Variants in GREB1L observed in about 807,000 individuals in gnomAD.
GREB1L encodes the protein GREB1-like protein.
A neutral mutation model predicts 200.8 loss-of-function variants in GREB1L; 17 were observed. The observed-to-expected ratio is 0.08, with a 90% CI of 0.06 to 0.13. The LOEUF is 0.13. Among genes scored for constraint, GREB1L ranks in the 10% least tolerant of loss-of-function variants. The pLI, the probability that GREB1L is intolerant of heterozygous loss-of-function variation, is 1.00. For missense variants in GREB1L, 1,657 were observed against 2,367.7 expected (o/e 0.70, Z 6.23); for synonymous variants, 789 against 893.0 (o/e 0.88, Z 2.08).
intron 1 of GREB1L, among the ~76,000 whole-genome samples, chr18:21,321,222 G>A (rs2038946384): frequency 1.3e-5 from 2 of 152,008 alleles, no homozygotes; most frequent in Non-Finnish European, 2.9e-5. Flanking sequence ...TTGAACCCGG[G>A]AGGTGGAGGT....
intron 19 of GREB1L, among the ~76,000 whole-genome samples, chr18:21,492,217 G>A (rs182497945): frequency 6.6e-6 from 1 of 152,084 alleles, no homozygotes; most frequent in East Asian, 1.9e-4. Flanking sequence ...ATGGTGGCGG[G>A]CGCCTGTGGT....
In GREB1L at chr18:21,520,840, A is replaced by G. The variant is rs1473272625; in HGVS notation, c.5608+17A>G. 30 of 1,520,536 alleles carry G rather than the reference A, an allele frequency of 2.0e-5. No homozygotes were observed. The highest frequency in any genetic ancestry group is 1.7e-4 in the Middle Eastern group (1 of 5,858). 94.2% of individuals were successfully genotyped at this position (1,520,536 alleles called of 1,614,324 possible). ...TTCTAAAAGGTAAGTCAAATTTAGT[A>G]TCTTGCTTGTAATTGCTATTGGTTC... On this transcript the variant is annotated intron_variant, in intron 32 of 32. Coordinates refer to ENST00000424526, the MANE Select transcript of GREB1L (RefSeq NM_001142966.3).
At chr18:21,392,990 C>T (rs2040888938) in intron 4 of GREB1L, among the ~76,000 whole-genome samples, 1 of 152,114 alleles carries the variant, frequency 6.6e-6, no homozygotes, top group African/African-American at 2.4e-5. Context: ...CTAGACTGGT[C>T]TTGAACTCCT....
At chr18:21,326,776 C>T (rs1486170633) in intron 1 of GREB1L, among the ~76,000 whole-genome samples, 2 of 152,190 alleles carry the variant, frequency 1.3e-5, no homozygotes, top group African/African-American at 2.4e-5. Flanking sequence ...TTAAACTCAT[C>T]GTTAAACAAG....
intron 14 of GREB1L, 147 bp from the exon 15 acceptor site, chr18:21,454,219 T>C: frequency 3.2e-6 from 2 of 630,392 alleles, no homozygotes; most frequent in Non-Finnish European, 5.6e-6. Context: ...CTATTAAAAC[T>C]CAATAGAGAG....
Position 21,518,186 on chromosome 18 carries a change from C to G in GREB1L, c.5424C>G (p.Phe1808Leu). The stretch of plus-strand genomic sequence containing the variant: ...TCTTCCCCAAAGCCATCCATAACTT[C>G]AGGAGTCCTGTGCTGGCCATTGACT... ...YKLFPKAIHN[F>L]RSPVLAIDCY... Residue 1808 changes from phenylalanine to leucine, a missense_variant, in exon 31 of 33, where the codon TTC becomes TTG. Around this residue, in one of 9 missense-constraint regions of GREB1L, gnomAD observed 190 missense variants for 230.2 expected, o/e 0.83. Coordinates refer to ENST00000424526, the MANE Select transcript of GREB1L (RefSeq NM_001142966.3). The G allele has an allele frequency of 6.4e-7, 1 of 1,551,674 alleles. No homozygotes were observed. The highest frequency in any genetic ancestry group is 8.7e-7 in the Non-Finnish European group (1 of 1,146,988).
chr18:21,285,921 C>G (rs559138220), intron 1 of GREB1L, among the ~76,000 whole-genome samples: 1 of 152,214 alleles, frequency 6.6e-6, no homozygotes, highest in East Asian at 1.9e-4. Flanking sequence ...TGAGCTCACC[C>G]TTTTTAATAG....
At chr18:21,284,176 CT>C (rs1242528516) in intron 1 of GREB1L, among the ~76,000 whole-genome samples, 1 of 152,164 alleles carries the variant, frequency 6.6e-6, no homozygotes, top group Non-Finnish European at 1.5e-5. Flanking sequence ...AAAAAAAGCT[CT>C]ATTGAGCTAT....
chr18:21,478,689 C>T (rs2035804084), intron 17 of GREB1L, among the ~76,000 whole-genome samples: 1 of 152,110 alleles, frequency 6.6e-6, no homozygotes, highest in South Asian at 2.1e-4. Context: ...TGAGCTTTTG[C>T]TTTCTTGGTA....
intron 15 of GREB1L, chr18:21,468,779 A>G (rs1162467852): frequency 6.6e-6 from 3 of 456,530 alleles, no homozygotes; most frequent in Non-Finnish European, 1.3e-5. Context: ...CATCTCCTGC[A>G]ATCTATGACA....
intron 5 of GREB1L, among the ~76,000 whole-genome samples, chr18:21,400,112 C>G (rs897658816): frequency 6.6e-6 from 1 of 151,210 alleles, no homozygotes; most frequent in African/African-American, 2.4e-5. Flanking sequence ...ATCTATATAA[C>G]AGTAAATGTG....
chr18:21,480,708 G>A (rs937177692), intron 17 of GREB1L, among the ~76,000 whole-genome samples: 3 of 152,104 alleles, frequency 2.0e-5, no homozygotes, highest in African/African-American at 7.2e-5. Context: ...GTTGAATCTT[G>A]CAAAGAACAC....
chr18:21,492,995 C>G (rs1460227755), intron 19 of GREB1L, among the ~76,000 whole-genome samples: 1 of 152,182 alleles, frequency 6.6e-6, no homozygotes, highest in Non-Finnish European at 1.5e-5. Context: ...CTCAAAATCA[C>G]TGGATCACAT....
At chr18:21,437,657 C>G (rs2033631663) in intron 7 of GREB1L, among the ~76,000 whole-genome samples, 1 of 151,842 alleles carries the variant, frequency 6.6e-6, no homozygotes, top group African/African-American at 2.4e-5. Context: ...AGTGACACCA[C>G]AGGTATATAA....
intron 1 of GREB1L, among the ~76,000 whole-genome samples, chr18:21,299,041 G>T (rs1270226883): frequency 3.3e-5 from 5 of 152,098 alleles, no homozygotes; most frequent in Admixed American, 3.3e-4. Context: ...ACTTTGGGAG[G>T]CTGAGACGGG....
chr18:21,349,326 A>G (rs1277053300), intron 1 of GREB1L, among the ~76,000 whole-genome samples: 3 of 152,076 alleles, frequency 2.0e-5, no homozygotes, highest in African/African-American at 7.2e-5. Flanking sequence ...ACTGGCCCCA[A>G]CTTACTTTTT....
At chr18:21,357,679 T>C (rs953771923) in intron 1 of GREB1L, among the ~76,000 whole-genome samples, 2 of 152,216 alleles carry the variant, frequency 1.3e-5, no homozygotes, top group Non-Finnish European at 2.9e-5. Flanking sequence ...TTCATTGTTT[T>C]GCACCTGAAT....
At chr18:21,306,806 A>C (rs866588239) in intron 1 of GREB1L, among the ~76,000 whole-genome samples, 1 of 152,252 alleles carries the variant, frequency 6.6e-6, no homozygotes, top group African/African-American at 2.4e-5. Context: ...TAAATTGGGC[A>C]TATGCCTATG....
chr18:21,477,027 T>C, intron 16 of GREB1L, 137 bp from the exon 17 acceptor site: 1 of 565,246 alleles, frequency 1.8e-6, no homozygotes, highest in Non-Finnish European at 3.0e-6. Context: ...CCGTGTCAAA[T>C]TTTAGTTGTT....
Sources: allele counts gnomAD v4.1 joint callset (sites outside exome capture counted in the v4.1 genomes callset), GRCh38; gene constraint gnomAD v4.1.1; regional missense constraint gnomAD v4.1.1; transcripts MANE v1.5; gene names NCBI Gene and HGNC (gene_info 2026-07-23, HGNC 2026-07-21).